The following GRID2 variants were observed in gnomAD, a reference collection of about 807,000 sequenced individuals.
GRID2 encodes the protein glutamate ionotropic receptor delta type subunit 2, also known as glutamate receptor ionotropic, delta-2.
GRID2 carries 33 observed loss-of-function variants against 114.8 expected under a neutral mutation model. The ratio of observed to expected loss-of-function variants is 0.29; its 90% CI spans 0.22 to 0.38. The LOEUF (loss-of-function observed/expected upper bound fraction) is 0.38, where lower values mean the gene tolerates loss of function less well. Among genes scored for constraint, GRID2 ranks in the 10% least tolerant of loss-of-function variants. The pLI, the probability that GRID2 is intolerant of heterozygous loss-of-function variation, is 1.00. For synonymous variants in GRID2, 505 were observed against 449.9 expected (o/e 1.12, Z -1.55); for missense variants, 1,184 against 1,257.7 (o/e 0.94, Z 0.89).
At chr4:92,340,037 C>T (rs1007562449) in intron 1 of GRID2, among the ~76,000 whole-genome samples, 2 of 151,978 alleles carry the variant, frequency 1.3e-5, no homozygotes, top group Non-Finnish European at 2.9e-5. Flanking sequence ...TATATTTATA[C>T]TCCACAAAGT....
In GRID2 at chr4:93,266,081, C is replaced by T. The variant is rs535033914; in HGVS notation, c.1245+27591C>T. Among the ~76,000 whole-genome samples the T allele has an allele frequency of 1.2e-3, 178 of 152,154 alleles. 1 individual carries two copies. Among genetic ancestry groups the T allele is most frequent in the African/African-American group, 3.4e-3 (143 of 41,522 alleles). ...ACACACTCCTACACACTCACTCAGA[C>T]GGGGATCATTCAGACATGTCAATTC... On this transcript the variant is annotated intron_variant, in intron 8 of 15. Transcript: ENST00000282020.
intron 7 of GRID2, among the ~76,000 whole-genome samples, chr4:93,236,285 C>A (rs1746787090): frequency 6.6e-6 from 1 of 151,860 alleles, no homozygotes; most frequent in Non-Finnish European, 1.5e-5. Context: ...TTGCCCTTAT[C>A]AAAAATACAA....
chr4:92,665,322 T>G (rs536592230), intron 2 of GRID2, among the ~76,000 whole-genome samples: 1 of 150,812 alleles, frequency 6.6e-6, no homozygotes, highest in African/African-American at 2.4e-5. Flanking sequence ...CTTGGCAGCT[T>G]AGTTTCCACC....
rs59397408 is a variant in GRID2, at chr4:93,578,587, ATTTTTTT to A, written c.2194-47664_2194-47658del. ...AAAAGAACCTTGTCTTGTTTTTTGT[ATTTTTTT>A]TTTTTTTTTTTTTTTTTGAGTTGGA... On this transcript the variant is annotated intron_variant, in intron 13 of 15. Coordinates refer to ENST00000282020, the MANE Select transcript of GRID2 (RefSeq NM_001510.4). Among the ~76,000 whole-genome samples, 14 of 83,930 alleles carry A rather than the reference ATTTTTTT, an allele frequency of 1.7e-4. No homozygotes were observed. In the East Asian group the frequency reaches 3.4e-3, roughly 21 times the overall value. The allele number at this position is 83,930 out of a possible 152,430, so 55.1% of individuals were successfully genotyped here.
intron 6 of GRID2, among the ~76,000 whole-genome samples, chr4:93,221,653 A>G (rs1350605737): frequency 1.3e-5 from 2 of 152,212 alleles, no homozygotes; most frequent in Non-Finnish European, 2.9e-5. Context: ...AAATAAAATT[A>G]CCAAAAGATC....
intron 1 of GRID2, among the ~76,000 whole-genome samples, chr4:92,517,997 T>A (rs746025731): frequency 6.6e-6 from 1 of 151,814 alleles, no homozygotes; most frequent in African/African-American, 2.4e-5. Flanking sequence ...TGTTTTCTCA[T>A]CAAATGAAGA....
chr4:92,706,479 G>A (rs1030035823), intron 2 of GRID2, among the ~76,000 whole-genome samples: 1 of 152,070 alleles, frequency 6.6e-6, no homozygotes, highest in African/African-American at 2.4e-5. Context: ...AAATGTATGA[G>A]TCACACATAT....
At chr4:93,495,549 T>A (rs535393159) in intron 12 of GRID2, among the ~76,000 whole-genome samples, 1 of 151,744 alleles carries the variant, frequency 6.6e-6, no homozygotes, top group Non-Finnish European at 1.5e-5. Flanking sequence ...GTTAAGGAAT[T>A]TGGAATTTTT....
chr4:93,370,285 A>C (rs79668016), intron 8 of GRID2, among the ~76,000 whole-genome samples: 8,941 of 152,100 alleles, frequency 0.059, 307 homozygotes, highest in Middle Eastern at 0.19. Flanking sequence ...AGAGCATGCA[A>C]TGCTTCTTCT....
chr4:93,795,201 A>G (rs1375383628), intron 1 of GRID2, among the ~76,000 whole-genome samples: 2 of 152,122 alleles, frequency 1.3e-5, no homozygotes, highest in Non-Finnish European at 2.9e-5. Flanking sequence ...ATACATTATT[A>G]CTATAGTATA....
At chr4:93,721,925 T>C (rs1053035671) in intron 14 of GRID2, among the ~76,000 whole-genome samples, 24 of 149,932 alleles carry the variant, frequency 1.6e-4, no homozygotes, top group African/African-American at 5.8e-4. Flanking sequence ...TTTTTCTTTT[T>C]TTTTTTTTTT....
intron 14 of GRID2, among the ~76,000 whole-genome samples, chr4:93,646,549 A>C (rs1308522140): frequency 6.6e-6 from 1 of 152,194 alleles, no homozygotes; most frequent in African/African-American, 2.4e-5. Flanking sequence ...CTAATGGCAA[A>C]GACAAGCCAT....
In GRID2 at chr4:93,587,944, T is replaced by C. The variant is rs546760580; in HGVS notation, c.2194-38325T>C. On this transcript the variant is annotated intron_variant, in intron 13 of 15. Transcript: ENST00000282020. ...CAGATAATCATTCTTTCTGCAAAAT[T>C]AGATAAACCCAGGGATGATCCAAGA... Among the ~76,000 whole-genome samples the C allele has an allele frequency of 3.3e-5, 5 of 152,254 alleles. No individual in the cohort carries two copies. The South Asian group carries it at 8.3e-4, about 25-fold the overall frequency.
chr4:92,965,526 T>C (rs1391000063), intron 2 of GRID2, among the ~76,000 whole-genome samples: 5 of 122,568 alleles, frequency 4.1e-5, no homozygotes, highest in Non-Finnish European at 7.0e-5. Flanking sequence ...AGATGAAGTG[T>C]AATAAAATGA....
At chr4:92,806,215 A>T (rs1316749429) in intron 2 of GRID2, among the ~76,000 whole-genome samples, 1 of 149,942 alleles carries the variant, frequency 6.7e-6, no homozygotes, top group African/African-American at 2.5e-5. Flanking sequence ...ACACACACGG[A>T]TATCTAAATA....
intron 2 of GRID2, among the ~76,000 whole-genome samples, chr4:92,831,562 T>G (rs140350400): frequency 1.5e-3 from 229 of 151,820 alleles, no homozygotes; most frequent in African/African-American, 5.4e-3. Flanking sequence ...TTTCCTTATC[T>G]ATAAAATGAT....
At chr4:92,537,206 G>A (rs1423712560) in intron 1 of GRID2, among the ~76,000 whole-genome samples, 1 of 152,016 alleles carries the variant, frequency 6.6e-6, no homozygotes, top group African/African-American at 2.4e-5. Context: ...TGGAGATGAG[G>A]GATTCACTTT....
intron 2 of GRID2, among the ~76,000 whole-genome samples, chr4:92,886,649 G>A (rs571181836): frequency 6.0e-5 from 9 of 150,860 alleles, no homozygotes; most frequent in Non-Finnish European, 1.2e-4. Flanking sequence ...TTTTTGAGAC[G>A]GAGTCTCGCT....
intron 8 of GRID2, among the ~76,000 whole-genome samples, chr4:93,277,855 G>T (rs1388404601): frequency 6.6e-6 from 1 of 151,926 alleles, no homozygotes; most frequent in Non-Finnish European, 1.5e-5. Context: ...AGGAATGAAT[G>T]AATGAACAGA....
Sources: gnomAD v4.1 joint callset for allele counts (sites outside exome capture counted in the v4.1 genomes callset) on GRCh38, gnomAD v4.1.1 for gene constraint, MANE v1.5 for transcripts, NCBI Gene and HGNC (gene_info 2026-07-23, HGNC 2026-07-21) for gene names.